GREB1L: variants seen among roughly 807,000 people sequenced by gnomAD.
GREB1L encodes the protein GREB1 like retinoic acid receptor coactivator, also known as GREB1-like protein.
Under a neutral mutation model 200.8 loss-of-function variants are expected in GREB1L, and 17 were observed. The observed-to-expected ratio is 0.08, with a 90% CI of 0.06 to 0.13. The LOEUF is 0.13. GREB1L is among the 10% of genes least tolerant of loss of function. The probability of loss-of-function intolerance (pLI) is 1.00; values close to 1 mark genes in which losing one functional copy is unlikely to be tolerated. For synonymous variants in GREB1L, 789 were observed against 893.0 expected, an observed-to-expected ratio of 0.88 and a Z score of 2.08; for missense variants, 1,657 against 2,367.7, an observed-to-expected ratio of 0.70 and a Z score of 6.23.
At position 21,490,017 on chromosome 18, in the gene GREB1L, C is replaced by G; in HGVS notation, c.2696C>G (p.Pro899Arg). 2 of 1,550,504 alleles carry G rather than the reference C, an allele frequency of 1.3e-6. No homozygotes were observed. Among genetic ancestry groups the G allele is most frequent in the Non-Finnish European group, 1.7e-6 (2 of 1,146,310 alleles). ...TGCCTTGTTTTCTGTTGAAGGTACC[C>G]CAGGCTGCACAGCATGGTCGTCCGC... is the stretch of plus-strand genomic sequence containing the variant. ...KMVNTLLERY[P>R]RLHSMVVRCY... is the part of the protein sequence containing the mutation. Residue 899 changes from proline to arginine, a missense_variant, in exon 19 of 33, where the codon CCC (proline) becomes CGC (arginine). Pro to Arg is a moderately radical substitution (Grantham distance 103). This residue lies in a region of GREB1L where 82 missense variants were observed against 95.9 expected (regional missense o/e 0.85). Coordinates refer to ENST00000424526, the MANE Select transcript of GREB1L (RefSeq NM_001142966.3).
Position 21,452,077 on chromosome 18 carries a change from TA to T in GREB1L, c.1850-4del, listed in dbSNP as rs753280960. 1 of 1,551,648 alleles carries T rather than the reference TA, an allele frequency of 6.4e-7. No homozygotes were observed. Among genetic ancestry groups the T allele is most frequent in the South Asian group, 1.2e-5 (1 of 83,954 alleles). ...TTGTAACCTTCTTATCTCTATTTTG[TA>T]ATAGGCGATGACCTAGACAAGCTGC... On this transcript the variant is annotated splice_polypyrimidine_tract_variant and splice_region_variant and intron_variant, in intron 13 of 32. Transcript: ENST00000424526.
chr18:21,456,939 G>A (rs2034793043), intron 15 of GREB1L, among the ~76,000 whole-genome samples: 4 of 152,048 alleles, frequency 2.6e-5, no homozygotes, highest in African/African-American at 9.7e-5. Flanking sequence ...TGTCTTTTAA[G>A]TATTTTACTT....
rs201555932 is a variant in GREB1L, at chr18:21,370,225, A to AT, written c.-10+4098dup. 1.3e-3 allele frequency among the ~76,000 whole-genome samples: 192 copies of AT among 151,364 alleles called. 1 individual carries two copies. The Middle Eastern group carries it at 0.021, about 16-fold the overall frequency. On this transcript the variant is annotated intron_variant, in intron 2 of 32. Coordinates refer to ENST00000424526, the MANE Select transcript of GREB1L (RefSeq NM_001142966.3). ...TAAGACACAAAAGCTCAATTTATTC[A>AT]TTTTTTTTTACTCAGTTCCAGCTTT...
At position 21,485,693 on chromosome 18, in the gene GREB1L, C is replaced by A; in HGVS notation, c.2630C>A (p.Thr877Lys). Residue 877 changes from threonine to lysine, a missense_variant, in exon 18 of 33, where the codon ACG becomes AAG. Transcript: ENST00000424526. ...AGCAAGTCTCTGCAGTGGGGGATCA[C>A]GAGCCCACTTCTGAGATGTGACGAG... Reference protein sequence around the residue: ...EYSKSLQWGITSPLLRCDETF... With the variant: ...EYSKSLQWGIKSPLLRCDETF... 1.9e-6 allele frequency: 3 copies of A among 1,551,138 alleles called. No homozygotes were observed. The East Asian group carries it at 7.3e-5, about 38-fold the overall frequency.
intron 15 of GREB1L, 184 bp downstream of exon 15, chr18:21,454,747 T>C: frequency 1.6e-6 from 1 of 612,852 alleles, no homozygotes; most frequent in Non-Finnish European, 2.9e-6. Flanking sequence ...CTGTCCTTTT[T>C]CCCTCAAGGT....
At chr18:21,498,432 AGAAT>A (rs2036638434) in intron 21 of GREB1L, among the ~76,000 whole-genome samples, 1 of 152,140 alleles carries the variant, frequency 6.6e-6, no homozygotes, top group Non-Finnish European at 1.5e-5. Context: ...GAGCAGTTTC[AGAAT>A]AGAGTCAAGG....
At chr18:21,514,251 T>A (rs2037339577) in intron 28 of GREB1L, among the ~76,000 whole-genome samples, 1 of 152,208 alleles carries the variant, frequency 6.6e-6, no homozygotes, top group African/African-American at 2.4e-5. Context: ...GCACAGTGGC[T>A]CATGCCTGTA....
chr18:21,417,575 C>T (rs978628849), intron 7 of GREB1L, among the ~76,000 whole-genome samples: 3 of 151,896 alleles, frequency 2.0e-5, no homozygotes, highest in East Asian at 1.9e-4. Context: ...CACTTTAAGA[C>T]GTACAAAATA....
chr18:21,510,807 A>C (rs1300026377), intron 27 of GREB1L, among the ~76,000 whole-genome samples: 5 of 150,914 alleles, frequency 3.3e-5, no homozygotes, highest in Non-Finnish European at 7.4e-5. Flanking sequence ...TCCCACCAAC[A>C]GTGCACAGGG....
At chr18:21,501,378 G>A (rs1309880809) in intron 23 of GREB1L, among the ~76,000 whole-genome samples, 28 of 152,052 alleles carry the variant, frequency 1.8e-4, no homozygotes, top group Non-Finnish European at 4.4e-5. Context: ...AGCCCCGCAT[G>A]CATTAGGTAT....
intron 1 of GREB1L, among the ~76,000 whole-genome samples, chr18:21,275,431 C>T (rs2038146585): frequency 6.6e-6 from 1 of 151,912 alleles, no homozygotes; most frequent in African/African-American, 2.4e-5. Context: ...GGCTGAAGTG[C>T]AGTAGCAGTA....
At chr18:21,297,104 A>G (rs1473417075) in intron 1 of GREB1L, among the ~76,000 whole-genome samples, 1 of 152,180 alleles carries the variant, frequency 6.6e-6, no homozygotes, top group African/African-American at 2.4e-5. Flanking sequence ...GAAGCTTTTT[A>G]GAAATGCAAA....
chr18:21,376,874 T>TATGTA (rs1361417124), intron 2 of GREB1L, among the ~76,000 whole-genome samples: 1 of 151,812 alleles, frequency 6.6e-6, no homozygotes, highest in Non-Finnish European at 1.5e-5. Context: ...TTATGTATTG[T>TATGTA]ATGTATCTGG....
rs753658541 is a variant in GREB1L at position 21,508,609 on chromosome 18, G to T, written c.4735+18G>T. 4 of 1,546,728 alleles carry T rather than the reference G, an allele frequency of 2.6e-6. No homozygotes were observed. The South Asian group carries it at 4.8e-5, about 18-fold the overall frequency. Reference sequence around the variant, plus strand: ...AGGCGTGGGTAAGGGGCCCCCCTGGGATGGGGAGAAGGGCTTCGAAGATAA... The same window carrying T: ...AGGCGTGGGTAAGGGGCCCCCCTGGTATGGGGAGAAGGGCTTCGAAGATAA... On this transcript the variant is annotated intron_variant, in intron 27 of 32. Coordinates refer to ENST00000424526, the MANE Select transcript of GREB1L (RefSeq NM_001142966.3).
At chr18:21,262,060 G>A (rs1440017463) in intron 1 of GREB1L, among the ~76,000 whole-genome samples, 1 of 152,046 alleles carries the variant, frequency 6.6e-6, no homozygotes, top group African/African-American at 2.4e-5. Flanking sequence ...GAGTTTTATA[G>A]TAACCAGTAA....
At position 21,381,108 on chromosome 18, in the gene GREB1L, G is replaced by A. The variant is rs2040290554; in HGVS notation, c.-9-2402G>A. Among the ~76,000 whole-genome samples, 8 of 152,292 alleles carry A rather than the reference G, an allele frequency of 5.3e-5. No individual in the cohort carries two copies. In the South Asian group the frequency reaches 1.7e-3, roughly 32 times the overall value. On this transcript the variant is annotated intron_variant, in intron 2 of 32. Coordinates refer to ENST00000424526, the MANE Select transcript of GREB1L (RefSeq NM_001142966.3). Reference sequence around the variant, plus strand: ...ATACAAAAAATTAGCCAGGTGCAGTGGCGGGCGCCTGTAGCCGCAGCTACT... The same window carrying A: ...ATACAAAAAATTAGCCAGGTGCAGTAGCGGGCGCCTGTAGCCGCAGCTACT...
chr18:21,387,731 A>G (rs1567969723), intron 4 of GREB1L: 1 of 152,214 alleles, frequency 6.6e-6, no homozygotes, highest in Non-Finnish European at 1.5e-5. Flanking sequence ...TTATTAGACT[A>G]TTAATCAGAC....
At chr18:21,278,389 A>AAATAAATAAAT (rs1555624349) in intron 1 of GREB1L, among the ~76,000 whole-genome samples, 3 of 125,610 alleles carry the variant, frequency 2.4e-5, no homozygotes, top group African/African-American at 6.4e-5. Flanking sequence ...TCAAAAAAAA[A>AAATAAATAAAT]AAATAAATAA....
chr18:21,405,451 T>A (rs1425232543), intron 7 of GREB1L, among the ~76,000 whole-genome samples: 7 of 152,202 alleles, frequency 4.6e-5, no homozygotes, highest in Non-Finnish European at 7.4e-5. Context: ...TTTAAGAACC[T>A]TATCAGTTGC....
Sources: allele counts gnomAD v4.1 joint callset (sites outside exome capture counted in the v4.1 genomes callset), GRCh38; gene constraint gnomAD v4.1.1; regional missense constraint gnomAD v4.1.1; transcripts MANE v1.5; gene names NCBI Gene and HGNC (gene_info 2026-07-23, HGNC 2026-07-21).